TNFRSF19: variants seen among roughly 807,000 people sequenced by gnomAD.
TNFRSF19 encodes TNF receptor superfamily member 19.
In TNFRSF19, 27 loss-of-function variants were observed where a neutral mutation model predicts 46.4. That is an observed-to-expected ratio of 0.58 (90% CI 0.43 to 0.80). The LOEUF (loss-of-function observed/expected upper bound fraction) is 0.80, where lower values mean the gene tolerates loss of function less well. TNFRSF19 is among the 30% of genes least tolerant of loss of function. TNFRSF19 has a pLI of 0.00. For synonymous variants in TNFRSF19, 204 were observed against 205.0 expected (o/e 1.00, Z 0.04); for missense variants, 511 against 530.8 (o/e 0.96, Z 0.37).
chr13:23,574,462 GTT>G lies in TNFRSF19; in HGVS notation c.-35+3624_-35+3625del, dbSNP rs35658802. 6.7e-5 allele frequency among the ~76,000 whole-genome samples: 10 copies of G among 148,754 alleles called. No individual in the cohort carries two copies. The South Asian group carries it at 1.9e-3, about 28-fold the overall frequency. The stretch of plus-strand genomic sequence containing the variant: ...ATTTTGGCCAAAAATATGGGCTCCA[GTT>G]TTTTTTTTTCCTTTTATATATTTTG... On this transcript the variant is annotated intron_variant, in intron 1 of 9. Transcript: ENST00000248484.
chr13:23,578,201 G>A (rs1216277207), intron 1 of TNFRSF19, among the ~76,000 whole-genome samples: 1 of 152,156 alleles, frequency 6.6e-6, no homozygotes, highest in Non-Finnish European at 1.5e-5. Context: ...CTGAGGGCTG[G>A]AGTCTGATCG....
intron 3 of TNFRSF19, among the ~76,000 whole-genome samples, chr13:23,597,497 A>G (rs1297433291): frequency 2.0e-5 from 3 of 152,230 alleles, no homozygotes; most frequent in African/African-American, 7.2e-5. Context: ...GAAAATCTAG[A>G]AGAAATTGAT....
chr13:23,666,171 G>C (rs781421452), intron 7 of TNFRSF19, among the ~76,000 whole-genome samples: 28 of 152,250 alleles, frequency 1.8e-4, no homozygotes, highest in Non-Finnish European at 3.5e-4. Flanking sequence ...TGTCTGCCAG[G>C]TTTCTCCAGT....
chr13:23,637,588 G>C (rs954926081), intron 5 of TNFRSF19, among the ~76,000 whole-genome samples: 4 of 152,212 alleles, frequency 2.6e-5, no homozygotes, highest in Non-Finnish European at 5.9e-5. Context: ...ATAGCAGGAA[G>C]CACTGTCTAA....
At chr13:23,601,323 G>T in intron 3 of TNFRSF19, among the ~76,000 whole-genome samples, 1 of 152,318 alleles carries the variant, frequency 6.6e-6, no homozygotes, top group South Asian at 2.1e-4. Flanking sequence ...ATGCAAGGCA[G>T]AAGAGAGTGC....
At chr13:23,645,279 C>A (rs2138348550) in intron 5 of TNFRSF19, among the ~76,000 whole-genome samples, 2 of 152,224 alleles carry the variant, frequency 1.3e-5, no homozygotes, top group South Asian at 2.1e-4. Flanking sequence ...CTCAGCTCAC[C>A]ACAACCTCCA....
rs540670641 is a variant in TNFRSF19, at chr13:23,604,471, C to T, written c.180+11016C>T. Among the ~76,000 whole-genome samples the T allele has an allele frequency of 1.2e-4, 18 of 152,166 alleles. No homozygotes were observed. In the South Asian group the frequency reaches 3.7e-3, roughly 32 times the overall value. On this transcript the variant is annotated intron_variant, in intron 3 of 9. Coordinates refer to ENST00000248484, the MANE Select transcript of TNFRSF19 (RefSeq NM_148957.4). ...GATTCAATGGAATCCCAATCAAAGTCCCAGCAAGTTATTTTGTAGATATTG... is the reference window on the plus strand; with the variant it reads ...GATTCAATGGAATCCCAATCAAAGTTCCAGCAAGTTATTTTGTAGATATTG...
intron 5 of TNFRSF19, among the ~76,000 whole-genome samples, chr13:23,647,214 C>A (rs1367459187): frequency 1.3e-5 from 2 of 152,118 alleles, no homozygotes; most frequent in Admixed American, 1.3e-4. Context: ...CTAATATTTT[C>A]TTCTGCTCTG....
At chr13:23,634,988 G>T (rs1191594726) in intron 5 of TNFRSF19, among the ~76,000 whole-genome samples, 1 of 152,102 alleles carries the variant, frequency 6.6e-6, no homozygotes, top group South Asian at 2.1e-4. Context: ...ATTCCGAAAG[G>T]TACCAGGCAT....
intron 3 of TNFRSF19, 53 bp from the exon 4 acceptor site, chr13:23,615,792 GTTTCATCCTAGCGGTCTTTCCT>G: frequency 7.0e-7 from 1 of 1,428,394 alleles, no homozygotes; most frequent in Non-Finnish European, 9.3e-7. Context: ...CCAGGTCTTC[GTTTCATCCTAGCGGTCTTTCCT>G]TTTCACGCTT....
intron 3 of TNFRSF19, among the ~76,000 whole-genome samples, chr13:23,600,872 C>T (rs181932106): frequency 9.1e-4 from 139 of 152,232 alleles, no homozygotes; most frequent in African/African-American, 3.3e-3. Flanking sequence ...CCCAGTGTAT[C>T]ATGTATGACA....
At chr13:23,646,205 G>A (rs1264963978) in intron 5 of TNFRSF19, among the ~76,000 whole-genome samples, 1 of 152,140 alleles carries the variant, frequency 6.6e-6, no homozygotes, top group African/African-American at 2.4e-5. Context: ...TGAAGCGGAA[G>A]GCAGAACCTG....
At chr13:23,640,278 A>G (rs1027065440) in intron 5 of TNFRSF19, among the ~76,000 whole-genome samples, 6 of 152,210 alleles carry the variant, frequency 3.9e-5, no homozygotes, top group African/African-American at 1.4e-4. Context: ...CTTACTTTTA[A>G]AAATCAATTT....
At chr13:23,620,169 C>T (rs577370266) in intron 4 of TNFRSF19, among the ~76,000 whole-genome samples, 1 of 152,294 alleles carries the variant, frequency 6.6e-6, no homozygotes, top group Admixed American at 6.5e-5. Context: ...AGTACTCTTC[C>T]AGTTTAACTG....
chr13:23,657,753 G>C (rs543800094), intron 5 of TNFRSF19, among the ~76,000 whole-genome samples: 1 of 152,126 alleles, frequency 6.6e-6, no homozygotes, highest in South Asian at 2.1e-4. Flanking sequence ...GAGCGCAGTG[G>C]TGCGATCACA....
intron 5 of TNFRSF19, among the ~76,000 whole-genome samples, chr13:23,636,429 T>C (rs1420150267): frequency 6.6e-6 from 1 of 152,096 alleles, no homozygotes; most frequent in Non-Finnish European, 1.5e-5. Context: ...GAAACACATC[T>C]CTCCCAGGTT....
At chr13:23,663,148 T>G (rs1157761700) in intron 7 of TNFRSF19, among the ~76,000 whole-genome samples, 1 of 152,196 alleles carries the variant, frequency 6.6e-6, no homozygotes, top group Non-Finnish European at 1.5e-5. Flanking sequence ...ATGTTGGCTG[T>G]GGGTTTGTCA....
chr13:23,582,155 C>G (rs141008829), intron 1 of TNFRSF19, among the ~76,000 whole-genome samples: 3 of 141,886 alleles, frequency 2.1e-5, no homozygotes, highest in Admixed American at 1.5e-4. Flanking sequence ...CCGAGGCGGG[C>G]GGATCAGGTG....
intron 9 of TNFRSF19, among the ~76,000 whole-genome samples, chr13:23,671,111 G>A (rs180941805): frequency 6.6e-6 from 1 of 152,288 alleles, no homozygotes; most frequent in Admixed American, 6.5e-5. Flanking sequence ...CATCACAGCT[G>A]TATGAACATG....
Sources: gnomAD v4.1 joint callset for allele counts (sites outside exome capture counted in the v4.1 genomes callset) on GRCh38, gnomAD v4.1.1 for gene constraint, MANE v1.5 for transcripts, NCBI Gene and HGNC (gene_info 2026-07-23, HGNC 2026-07-21) for gene names.